Variants in DHRSX observed in about 807,000 individuals in gnomAD.
The protein encoded by DHRSX is polyprenol dehydrogenase.
In DHRSX, 31 loss-of-function variants were observed where a neutral mutation model predicts 34.0. That is an observed-to-expected ratio of 0.91 (90% CI 0.69 to 1.23). The LOEUF (loss-of-function observed/expected upper bound fraction) is 1.23, where lower values mean the gene tolerates loss of function less well. DHRSX is among the 50% of genes most tolerant of loss of function. The pLI, the probability that DHRSX is intolerant of heterozygous loss-of-function variation, is 0.00. For synonymous variants in DHRSX, 201 were observed against 183.8 expected (o/e 1.09, Z -0.76); for missense variants, 414 against 428.1 (o/e 0.97, Z 0.29).
intron 3 of DHRSX, among the ~76,000 whole-genome samples, chrX:2,349,725 TG>T (rs2042763912): frequency 6.6e-6 from 1 of 151,006 alleles, no homozygotes; most frequent in Non-Finnish European, 1.5e-5. Flanking sequence ...ATACACACAA[TG>T]GGATACTTTA....
At chrX:2,371,586 C>CT (rs2043070496) in intron 3 of DHRSX, among the ~76,000 whole-genome samples, 3 of 151,518 alleles carry the variant, frequency 2.0e-5, no homozygotes, top group African/African-American at 4.9e-5. Context: ...ATAGTACCTC[C>CT]TCCCATTAGC....
intron 3 of DHRSX, among the ~76,000 whole-genome samples, chrX:2,296,589 ACCCAGGCAGATAGAC>A (rs1420129518): frequency 2.1e-3 from 149 of 70,506 alleles, no homozygotes; most frequent in South Asian, 3.8e-3. Flanking sequence ...TAGGAATAGG[ACCCAGGCAGATAGAC>A]CCCAGGCAGA....
intron 5 of DHRSX, among the ~76,000 whole-genome samples, chrX:2,266,156 G>T (rs1238781377): frequency 6.9e-6 from 1 of 145,216 alleles, no homozygotes; most frequent in African/African-American, 2.6e-5. Context: ...CAGAGCACCA[G>T]TGTACAGCAG....
intron 1 of DHRSX, among the ~76,000 whole-genome samples, chrX:2,478,499 T>G (rs968931881): frequency 1.6e-5 from 2 of 121,648 alleles, no homozygotes; most frequent in Non-Finnish European, 3.6e-5. Context: ...GCCAAGGGAC[T>G]GCACTAAAGA....
chrX:2,439,652 C>T (rs1356907128), intron 1 of DHRSX, among the ~76,000 whole-genome samples: 2 of 152,248 alleles, frequency 1.3e-5, no homozygotes, highest in East Asian at 1.9e-4. Context: ...TGCAACTAGA[C>T]GGTCCCATCT....
Position 2,472,143 on chromosome X carries a change from CAA to C in DHRSX, c.109+28672_109+28673del, listed in dbSNP as rs112638597. On this transcript the variant is annotated intron_variant, in intron 1 of 6. Coordinates refer to ENST00000334651, the MANE Select transcript of DHRSX (RefSeq NM_145177.3). ...CTGGGCAACAAAAAGGAAACTGTCT[CAA>C]AAAAAAAAAAAAAATGGGATGATGT... is the stretch of plus-strand genomic sequence containing the variant. Among the ~76,000 whole-genome samples, 10 of 120,798 alleles carry C rather than the reference CAA, an allele frequency of 8.3e-5. 1 individual carries two copies. Among genetic ancestry groups the C allele is most frequent in the African/African-American group, 1.5e-4 (5 of 33,836 alleles). The allele number at this position is 120,798 out of a possible 152,430, so 79.2% of individuals were successfully genotyped here.
At chrX:2,426,487 CCT>C (rs1392225052) in intron 1 of DHRSX, among the ~76,000 whole-genome samples, 3 of 144,078 alleles carry the variant, frequency 2.1e-5, no homozygotes, top group Admixed American at 6.9e-5. Context: ...TCCTTCCCTC[CCT>C]CTTTCCTTTC....
intron 5 of DHRSX, among the ~76,000 whole-genome samples, chrX:2,255,807 G>A (rs1032849733): frequency 3.3e-4 from 50 of 151,548 alleles, no homozygotes; most frequent in African/African-American, 9.4e-4. Flanking sequence ...CCAGCTACCC[G>A]GGAGGCTGAG....
chrX:2,304,289 G>GAA (rs1569485934), intron 3 of DHRSX, among the ~76,000 whole-genome samples: 15 of 54,438 alleles, frequency 2.8e-4, no homozygotes, highest in South Asian at 1.3e-3. Flanking sequence ...GGGTGGGTGG[G>GAA]TGGGTGGATG....
intron 1 of DHRSX, among the ~76,000 whole-genome samples, chrX:2,465,293 C>T (rs2044475685): frequency 1.3e-5 from 2 of 152,142 alleles, no homozygotes; most frequent in East Asian, 1.9e-4. Context: ...AGGTGAGCCA[C>T]GGAAAGAATG....
At chrX:2,264,935 A>G (rs1449250484) in intron 5 of DHRSX, among the ~76,000 whole-genome samples, 1 of 102,816 alleles carries the variant, frequency 9.7e-6, no homozygotes, top group Non-Finnish European at 2.0e-5. Context: ...ACCCATGCCC[A>G]GCAGACTCCA....
intron 3 of DHRSX, among the ~76,000 whole-genome samples, chrX:2,369,222 G>A (rs948462927): frequency 9.9e-5 from 15 of 152,196 alleles, no homozygotes; most frequent in Non-Finnish European, 1.9e-4. Context: ...CTAAGCTGAT[G>A]TGGAAATAAC....
intron 1 of DHRSX, among the ~76,000 whole-genome samples, chrX:2,429,795 T>C (rs1204487174): frequency 1.3e-5 from 2 of 151,880 alleles, no homozygotes; most frequent in Admixed American, 1.3e-4. Flanking sequence ...GACAAATAAT[T>C]ACAACAGACA....
In DHRSX at chrX:2,455,672, C is replaced by T. The variant is rs538694780; in HGVS notation, c.110-30368G>A. Among the ~76,000 whole-genome samples the T allele has an allele frequency of 1.9e-3, 268 of 141,498 alleles. 6 individuals are homozygous for T. In the South Asian group the frequency reaches 0.048, roughly 26 times the overall value. The allele number at this position is 141,498 out of a possible 152,430, so 92.8% of individuals were successfully genotyped here. A position where few individuals can be genotyped will look rare whatever the true frequency, so the allele number is the denominator to read the frequency against. ...GGGAGAATCCCGTGAACCCTGGAGA[C>T]GGAGGTTGCAGTGAGCCGAGATTGT... On this transcript the variant is annotated intron_variant, in intron 1 of 6. Coordinates refer to ENST00000334651, the MANE Select transcript of DHRSX (RefSeq NM_145177.3).
At chrX:2,268,629 G>A (rs1401554571) in intron 4 of DHRSX, among the ~76,000 whole-genome samples, 1 of 152,134 alleles carries the variant, frequency 6.6e-6, no homozygotes, top group Non-Finnish European at 1.5e-5. Context: ...TTTTACATAT[G>A]TGTTGTATGC....
intron 4 of DHRSX, among the ~76,000 whole-genome samples, chrX:2,275,032 C>T (rs1324512023): frequency 1.3e-5 from 2 of 151,910 alleles, no homozygotes; most frequent in African/African-American, 2.4e-5. Flanking sequence ...GACGGAAGTC[C>T]GAAATGCAGA....
chrX:2,475,150 T>A (rs1405484324), intron 1 of DHRSX, among the ~76,000 whole-genome samples: 2 of 149,960 alleles, frequency 1.3e-5, no homozygotes, highest in African/African-American at 5.0e-5. Flanking sequence ...GTGAAGACAC[T>A]CCCTAAGTAT....
intron 6 of DHRSX, among the ~76,000 whole-genome samples, chrX:2,229,639 ATGAT>A (rs2015819830): frequency 6.6e-6 from 1 of 151,790 alleles, no homozygotes; most frequent in Admixed American, 6.6e-5. Flanking sequence ...TGTGTATTGT[ATGAT>A]TGTATGTGCA....
chrX:2,428,742 A>T (rs1442302795), intron 1 of DHRSX, among the ~76,000 whole-genome samples: 1 of 152,196 alleles, frequency 6.6e-6, no homozygotes, highest in African/African-American at 2.4e-5. Context: ...CACGTTCTGC[A>T]CATGTACCCC....
Sources: allele counts gnomAD v4.1 joint callset (sites outside exome capture counted in the v4.1 genomes callset), GRCh38; gene constraint gnomAD v4.1.1; transcripts MANE v1.5; gene names NCBI Gene and HGNC (gene_info 2026-07-23, HGNC 2026-07-21).